Variants in FER observed in about 807,000 individuals in gnomAD.
FER encodes tyrosine-protein kinase Fer.
FER carries 63 observed loss-of-function variants against 111.0 expected under a neutral mutation model. The observed-to-expected ratio is 0.57, with a 90% CI of 0.46 to 0.70. FER has a LOEUF of 0.70. Among genes scored for constraint, FER ranks in the 30% least tolerant of loss-of-function variants. FER has a pLI of 0.00. For missense variants in FER, 914 were observed against 954.0 expected, an observed-to-expected ratio of 0.96 and a Z score of 0.55; for synonymous variants, 327 against 313.9, an observed-to-expected ratio of 1.04 and a Z score of -0.44.
intron 13 of FER, among the ~76,000 whole-genome samples, chr5:109,022,019 T>C (rs186326069): frequency 6.6e-6 from 1 of 152,182 alleles, no homozygotes; most frequent in Admixed American, 6.6e-5. Context: ...AGTAATAATG[T>C]CCTTAGATCC....
chr5:109,052,648 G>C (rs10057719), intron 16 of FER, among the ~76,000 whole-genome samples: 5 of 152,198 alleles, frequency 3.3e-5, no homozygotes, highest in South Asian at 2.1e-4. Context: ...CTGATACCTC[G>C]TAAAAGCTGC....
intron 10 of FER, among the ~76,000 whole-genome samples, chr5:108,906,720 C>A (rs1377767084): frequency 6.6e-6 from 1 of 151,322 alleles, no homozygotes; most frequent in African/African-American, 2.4e-5. Flanking sequence ...GAAAAAAATC[C>A]CTAAGTACAA....
chr5:108,923,529 T>C (rs181794549), intron 10 of FER, among the ~76,000 whole-genome samples: 43 of 152,296 alleles, frequency 2.8e-4, no homozygotes, highest in Admixed American at 7.8e-4. Context: ...AGAAAGAATG[T>C]TCTGTACAAT....
At chr5:109,117,837 G>C (rs1318120517) in intron 17 of FER, among the ~76,000 whole-genome samples, 2 of 151,776 alleles carry the variant, frequency 1.3e-5, no homozygotes, top group African/African-American at 4.9e-5. Flanking sequence ...AAGAATGCTT[G>C]TGATTTTTGC....
At chr5:109,179,505 A>T (rs1181785790) in intron 17 of FER, among the ~76,000 whole-genome samples, 1 of 152,190 alleles carries the variant, frequency 6.6e-6, no homozygotes. Context: ...GATTACTTTT[A>T]AAATGTTAAA....
intron 10 of FER, among the ~76,000 whole-genome samples, chr5:108,922,123 C>T (rs1218953897): frequency 6.6e-6 from 1 of 152,076 alleles, no homozygotes; most frequent in Non-Finnish European, 1.5e-5. Flanking sequence ...CCTGGGGCTA[C>T]CAGAAGCTAT....
chr5:108,810,732 A>G (rs1757673770), intron 3 of FER, among the ~76,000 whole-genome samples: 3 of 152,028 alleles, frequency 2.0e-5, no homozygotes, highest in Non-Finnish European at 4.4e-5. Context: ...TTGAGCAGAG[A>G]GGGCCCAGCT....
chr5:108,980,302 CA>C (rs1761885974), intron 13 of FER, among the ~76,000 whole-genome samples: 1 of 151,922 alleles, frequency 6.6e-6, no homozygotes, highest in Non-Finnish European at 1.5e-5. Context: ...AGTAAAAAAG[CA>C]AGAAGCATTG....
At chr5:108,884,512 G>GTTTTTTTTTT (rs776345488) in intron 9 of FER, among the ~76,000 whole-genome samples, 11 of 144,506 alleles carry the variant, frequency 7.6e-5, no homozygotes, top group Non-Finnish European at 1.1e-4. Context: ...CTTATGCCTG[G>GTTTTTTTTTT]TTTTTTTTTT....
intron 17 of FER, among the ~76,000 whole-genome samples, chr5:109,148,832 G>C (rs934334723): frequency 6.6e-6 from 1 of 152,124 alleles, no homozygotes; most frequent in African/African-American, 2.4e-5. Context: ...GCTTGGCATT[G>C]TAAGTACCAG....
intron 17 of FER, among the ~76,000 whole-genome samples, chr5:109,143,735 T>A (rs1238428084): frequency 6.7e-6 from 1 of 148,782 alleles, no homozygotes; most frequent in Non-Finnish European, 1.5e-5. Flanking sequence ...TTTGAAAGTC[T>A]TGCTGTGTGG....
At chr5:109,074,888 C>T (rs72792522) in intron 16 of FER, among the ~76,000 whole-genome samples, 4,782 of 152,134 alleles carry the variant, frequency 0.031, 98 homozygotes, top group Middle Eastern at 0.11. Flanking sequence ...TAACATACAA[C>T]GTGATTAAAG....
chr5:108,893,668 C>T (rs1455725592), intron 9 of FER, among the ~76,000 whole-genome samples: 2 of 152,030 alleles, frequency 1.3e-5, no homozygotes, highest in Non-Finnish European at 2.9e-5. Context: ...ATAAGTCTCC[C>T]CCCATATTTG....
At position 108,942,669 on chromosome 5, in the gene FER, A is replaced by G. The variant is rs1756432665; in HGVS notation, c.1237-3461A>G. Among the ~76,000 whole-genome samples, 5 of 152,144 alleles carry G rather than the reference A, an allele frequency of 3.3e-5. No homozygotes were observed. The South Asian group carries it at 6.2e-4, about 19-fold the overall frequency. Reference sequence around the variant, plus strand: ...TGCCCAGCAAATCAGCATTTTCAAAACCTTAGGTTACTTACTTATAAATGC... The same window carrying G: ...TGCCCAGCAAATCAGCATTTTCAAAGCCTTAGGTTACTTACTTATAAATGC... On this transcript the variant is annotated intron_variant, in intron 10 of 19. Coordinates refer to ENST00000281092, the MANE Select transcript of FER (RefSeq NM_005246.4).
chr5:108,820,503 G>A (rs1758725219), intron 3 of FER: 1 of 985,262 alleles, frequency 1.0e-6, no homozygotes, highest in Non-Finnish European at 1.2e-6. Context: ...CAAGAAGCTG[G>A]AAAAGTATTG....
chr5:109,144,237 C>A (rs188430633), intron 17 of FER, among the ~76,000 whole-genome samples: 1 of 151,938 alleles, frequency 6.6e-6, no homozygotes, highest in East Asian at 1.9e-4. Flanking sequence ...TAAAAGTAAA[C>A]AAGAAATTGA....
chr5:108,978,560 G>T (rs56381733), intron 13 of FER, among the ~76,000 whole-genome samples: 31,576 of 152,114 alleles, frequency 0.21, 3,946 homozygotes, highest in African/African-American at 0.36. Flanking sequence ...ATTATTTATT[G>T]TGTAGTATTG....
intron 11 of FER, among the ~76,000 whole-genome samples, chr5:108,948,479 G>A (rs950359791): frequency 1.3e-5 from 2 of 152,032 alleles, no homozygotes; most frequent in African/African-American, 4.8e-5. Context: ...TCAGATTACT[G>A]AGGCTACAGT....
At chr5:109,124,400 C>G (rs1468369643) in intron 17 of FER, among the ~76,000 whole-genome samples, 2 of 152,182 alleles carry the variant, frequency 1.3e-5, no homozygotes, top group African/African-American at 4.8e-5. Context: ...GGCTTATGAA[C>G]TCTTCGTGTA....
Sources: gnomAD v4.1 joint callset for allele counts (sites outside exome capture counted in the v4.1 genomes callset) on GRCh38, gnomAD v4.1.1 for gene constraint, MANE v1.5 for transcripts, NCBI Gene and HGNC (gene_info 2026-07-23, HGNC 2026-07-21) for gene names.